The following RSU1 variants were observed in gnomAD, a reference collection of about 807,000 sequenced individuals.
The protein encoded by RSU1 is Ras suppressor protein 1.
In RSU1, 26 loss-of-function variants were observed where a neutral mutation model predicts 31.1. The ratio of observed to expected loss-of-function variants is 0.84; its 90% confidence interval spans 0.61 to 1.16. The LOEUF (loss-of-function observed/expected upper bound fraction) is 1.16, where lower values mean the gene tolerates loss of function less well. RSU1 is among the 50% of genes most tolerant of loss of function. The probability of loss-of-function intolerance (pLI) is 0.00; values close to 1 mark genes in which losing one functional copy is unlikely to be tolerated. For missense variants in RSU1, 320 were observed against 339.1 expected (o/e 0.94, Z 0.44); for synonymous variants, 164 against 136.3 (o/e 1.20, Z -1.41).
chr10:16,812,064 G>C (rs941192539), intron 2 of RSU1, among the ~76,000 whole-genome samples: 1 of 152,214 alleles, frequency 6.6e-6, no homozygotes, highest in African/African-American at 2.4e-5. Context: ...CGAGAAAAAC[G>C]AAAAGGGCTC....
intron 8 of RSU1, among the ~76,000 whole-genome samples, chr10:16,625,631 C>T (rs189120270): frequency 7.9e-5 from 12 of 152,228 alleles, no homozygotes; most frequent in Non-Finnish European, 2.9e-5. Context: ...TGGAAGTGTC[C>T]CCTGTCAGTC....
At chr10:16,747,226 A>T (rs1836873900) in intron 7 of RSU1, among the ~76,000 whole-genome samples, 1 of 151,662 alleles carries the variant, frequency 6.6e-6, no homozygotes, top group African/African-American at 2.4e-5. Flanking sequence ...TCAATCTTTC[A>T]CTCTCTGCAG....
chr10:16,767,671 G>A (rs1588522227), intron 3 of RSU1, among the ~76,000 whole-genome samples: 1 of 152,220 alleles, frequency 6.6e-6, no homozygotes, highest in East Asian at 1.9e-4. Flanking sequence ...TGGATGGGAT[G>A]GTATTCACTC....
intron 3 of RSU1, among the ~76,000 whole-genome samples, chr10:16,769,141 C>T (rs1419552169): frequency 5.3e-5 from 8 of 152,188 alleles, no homozygotes; most frequent in Admixed American, 3.9e-4. Context: ...ATCAAAATCA[C>T]CTGTTGTAAC....
At chr10:16,707,620 T>G (rs1472159494) in intron 7 of RSU1, among the ~76,000 whole-genome samples, 1 of 151,014 alleles carries the variant, frequency 6.6e-6, no homozygotes, top group Non-Finnish European at 1.5e-5. Context: ...AATATTAACC[T>G]CTTGCCAGAT....
chr10:16,727,453 G>A (rs113557123), intron 7 of RSU1, among the ~76,000 whole-genome samples: 51 of 152,240 alleles, frequency 3.3e-4, no homozygotes, highest in African/African-American at 1.2e-3. Context: ...ACAGCAGAAG[G>A]CTGTTCAATC....
At chr10:16,793,467 A>G (rs1837968856) in intron 2 of RSU1, among the ~76,000 whole-genome samples, 2 of 152,202 alleles carry the variant, frequency 1.3e-5, no homozygotes, top group Admixed American at 1.3e-4. Flanking sequence ...TGAGTCCATC[A>G]GGACATTAAG....
At chr10:16,793,485 AAGAC>A (rs1190554378) in intron 2 of RSU1, among the ~76,000 whole-genome samples, 1 of 152,228 alleles carries the variant, frequency 6.6e-6, no homozygotes, top group Non-Finnish European at 1.5e-5. Context: ...AAGGAGAAAG[AAGAC>A]AGACAGACCC....
chr10:16,802,892 A>C (rs1838187174), intron 2 of RSU1, among the ~76,000 whole-genome samples: 1 of 152,154 alleles, frequency 6.6e-6, no homozygotes, highest in South Asian at 2.1e-4. Context: ...CTTAATAAAA[A>C]ATATCTACAA....
intron 8 of RSU1, among the ~76,000 whole-genome samples, chr10:16,676,904 T>A (rs1253223019): frequency 6.6e-6 from 1 of 152,160 alleles, no homozygotes. Context: ...AAGGGGTTGC[T>A]AAATTAGAAT....
rs750015502 is a variant in RSU1 at position 16,592,370 on chromosome 10, T to G, written c.*1024A>C. On this transcript the variant is annotated 3_prime_UTR_variant, in exon 9 of 9. Transcript: ENST00000345264. ...GCATTTATTTTGATTTTCGTAGGTA[T>G]CACTGTTGAAAAGAAGGAAAGCTGC... 6.6e-6 allele frequency: 1 copy of G among 152,218 alleles called. No homozygotes were observed. The highest frequency in any genetic ancestry group is 1.5e-5 in the Non-Finnish European group (1 of 68,046). The allele number at this position is 152,218 out of a possible 1,614,324, so 9.4% of individuals were successfully genotyped here.
At chr10:16,658,453 G>A (rs1285280671) in intron 8 of RSU1, among the ~76,000 whole-genome samples, 1 of 152,190 alleles carries the variant, frequency 6.6e-6, no homozygotes, top group South Asian at 2.1e-4. Context: ...GACGGGCACA[G>A]GGGCTCATGC....
chr10:16,647,642 G>A (rs1457128501), intron 8 of RSU1, among the ~76,000 whole-genome samples: 1 of 152,182 alleles, frequency 6.6e-6, no homozygotes, highest in African/African-American at 2.4e-5. Context: ...GAGACAGAGA[G>A]TAGATGAGTG....
intron 7 of RSU1, among the ~76,000 whole-genome samples, chr10:16,719,826 A>C (rs775820451): frequency 6.6e-6 from 1 of 152,238 alleles, no homozygotes; most frequent in African/African-American, 2.4e-5. Context: ...TTCAGTAAGG[A>C]AAAAGAAAAC....
intron 7 of RSU1, among the ~76,000 whole-genome samples, chr10:16,746,599 G>C (rs1367555811): frequency 1.3e-5 from 2 of 149,668 alleles, no homozygotes; most frequent in Non-Finnish European, 3.0e-5. Context: ...CGGCAGGTGA[G>C]AAAATGCAGA....
At chr10:16,718,398 T>A (rs1172883895) in intron 7 of RSU1, among the ~76,000 whole-genome samples, 1 of 152,240 alleles carries the variant, frequency 6.6e-6, no homozygotes, top group Non-Finnish European at 1.5e-5. Context: ...ATGTGACATG[T>A]TATACATTAT....
intron 4 of RSU1, among the ~76,000 whole-genome samples, chr10:16,761,958 G>A (rs1837218800): frequency 6.6e-6 from 1 of 152,096 alleles, no homozygotes; most frequent in African/African-American, 2.4e-5. Flanking sequence ...CGGCTCCTGT[G>A]CTCCCTGCTG....
chr10:16,742,252 GAATT>G (rs1436751941), intron 7 of RSU1, among the ~76,000 whole-genome samples: 1 of 152,146 alleles, frequency 6.6e-6, no homozygotes, highest in Non-Finnish European at 1.5e-5. Flanking sequence ...TCAACTTAGG[GAATT>G]AATACTCAGT....
chr10:16,730,230 T>A (rs1429730009), intron 7 of RSU1, among the ~76,000 whole-genome samples: 1 of 152,150 alleles, frequency 6.6e-6, no homozygotes, highest in Non-Finnish European at 1.5e-5. Flanking sequence ...TCAAGAGGGA[T>A]CCGCCCCAAT....
Sources: gnomAD v4.1 joint callset for allele counts (sites outside exome capture counted in the v4.1 genomes callset) on GRCh38, gnomAD v4.1.1 for gene constraint, MANE v1.5 for transcripts, NCBI Gene and HGNC (gene_info 2026-07-23, HGNC 2026-07-21) for gene names.